The following FAR2 variants were observed in gnomAD, a reference collection of about 807,000 sequenced individuals.
FAR2 encodes the protein fatty acyl-CoA reductase 2.
A neutral mutation model predicts 56.0 loss-of-function variants in FAR2; 19 were observed. That is an observed-to-expected ratio of 0.34 (90% CI 0.24 to 0.50). The LOEUF is 0.50. FAR2 is among the 20% of genes least tolerant of loss of function. FAR2 has a pLI of 0.98. For synonymous variants in FAR2, 219 were observed against 218.8 expected (o/e 1.00, Z -0.01); for missense variants, 508 against 642.2 (o/e 0.79, Z 2.26).
At chr12:29,280,511 G>A (rs1948770083) in intron 2 of FAR2, 1 of 152,202 alleles carries the variant, frequency 6.6e-6, no homozygotes, top group Non-Finnish European at 1.5e-5. Flanking sequence ...GGTTTCACCA[G>A]TCTGTGCCAT....
chr12:29,201,273 G>A (rs1453337783), intron 1 of FAR2, among the ~76,000 whole-genome samples: 2 of 151,908 alleles, frequency 1.3e-5, no homozygotes, highest in Non-Finnish European at 2.9e-5. Flanking sequence ...TTTTCTTTAG[G>A]TCTTCACAAG....
At chr12:29,264,873 T>C (rs1380496600) in intron 1 of FAR2, among the ~76,000 whole-genome samples, 1 of 148,846 alleles carries the variant, frequency 6.7e-6, no homozygotes, top group Non-Finnish European at 1.5e-5. Flanking sequence ...AGTATTTCTA[T>C]ATGCCCACAG....
intron 1 of FAR2, among the ~76,000 whole-genome samples, chr12:29,160,960 A>G (rs1467198021): frequency 1.3e-5 from 2 of 152,178 alleles, no homozygotes; most frequent in Non-Finnish European, 2.9e-5. Flanking sequence ...CACCCAGGAA[A>G]TTATTACTTG....
rs569157274 is a variant in FAR2 at position 29,283,520 on chromosome 12, C to T, written c.190-9780C>T. On this transcript the variant is annotated intron_variant, in intron 2 of 11. Transcript: ENST00000536681. ...AAATCAGAATAAGGCAGAAATCAAT[C>T]ATGAATTTACAAAATTATGTCATCA... Among the ~76,000 whole-genome samples the T allele has an allele frequency of 3.3e-4, 50 of 152,262 alleles. 1 individual carries two copies. The highest frequency in any genetic ancestry group is 1.2e-3 in the African/African-American group (49 of 41,554).
intron 3 of FAR2, 37 bp from the exon 4 acceptor site, chr12:29,296,984 T>G (rs768926853): frequency 4.5e-6 from 7 of 1,545,076 alleles, no homozygotes; most frequent in Non-Finnish European, 6.1e-6. Flanking sequence ...GATACTGACT[T>G]ACTTCATTGT....
At chr12:29,221,256 C>G (rs1219522288) in intron 1 of FAR2, among the ~76,000 whole-genome samples, 2 of 152,114 alleles carry the variant, frequency 1.3e-5, no homozygotes, top group Non-Finnish European at 2.9e-5. Flanking sequence ...ATTGGGAGAA[C>G]TGCCTTTCCC....
At chr12:29,192,176 A>C (rs7312297) in intron 1 of FAR2, among the ~76,000 whole-genome samples, 152,354 of 152,356 alleles carry the variant, frequency 1, 76,176 homozygotes, top group Non-Finnish European at 1. Flanking sequence ...ACATGAAATT[A>C]AAAAATAAGT....
chr12:29,232,776 T>C (rs111433432), intron 1 of FAR2, among the ~76,000 whole-genome samples: 3 of 151,448 alleles, frequency 2.0e-5, no homozygotes, highest in African/African-American at 7.3e-5. Context: ...GCCACACTGA[T>C]TCAGGTGACC....
chr12:29,197,461 C>A (rs937375262), intron 1 of FAR2, among the ~76,000 whole-genome samples: 1 of 152,144 alleles, frequency 6.6e-6, no homozygotes, highest in African/African-American at 2.4e-5. Context: ...CAGTACAAAG[C>A]ACTATCTCAT....
At chr12:29,161,266 C>G (rs961442954) in intron 1 of FAR2, among the ~76,000 whole-genome samples, 2 of 152,200 alleles carry the variant, frequency 1.3e-5, no homozygotes, top group African/African-American at 4.8e-5. Flanking sequence ...ATAAGCTCCC[C>G]TCATACTCCT....
At chr12:29,260,408 G>T (rs549757248) in intron 1 of FAR2, among the ~76,000 whole-genome samples, 7 of 152,276 alleles carry the variant, frequency 4.6e-5, no homozygotes, top group Non-Finnish European at 8.8e-5. Context: ...CATGACAATT[G>T]GGTAATGAGG....
At chr12:29,262,730 A>G (rs193010782) in intron 1 of FAR2, among the ~76,000 whole-genome samples, 2 of 152,216 alleles carry the variant, frequency 1.3e-5, no homozygotes, top group African/African-American at 4.8e-5. Flanking sequence ...GGAAGGAAGG[A>G]AGGAAGAGAA....
At chr12:29,155,909 G>A (rs1162889704) in intron 1 of FAR2, among the ~76,000 whole-genome samples, 1 of 152,126 alleles carries the variant, frequency 6.6e-6, no homozygotes. Flanking sequence ...TTTATGAGGG[G>A]ATAGAAATAA....
At chr12:29,239,842 T>C (rs1378852733) in intron 1 of FAR2, among the ~76,000 whole-genome samples, 1 of 152,220 alleles carries the variant, frequency 6.6e-6, no homozygotes, top group Non-Finnish European at 1.5e-5. Context: ...ATCTTATTGT[T>C]GTATTTTATT....
chr12:29,215,192 C>T (rs1420858580), intron 1 of FAR2, among the ~76,000 whole-genome samples: 1 of 152,150 alleles, frequency 6.6e-6, no homozygotes, highest in African/African-American at 2.4e-5. Context: ...GAAGAGTTTA[C>T]ATTTCATTTG....
In FAR2 at chr12:29,270,469, T is replaced by C. The variant is rs930249697; in HGVS notation, c.20T>C (p.Phe7Ser). The change falls in exon 2 of 12, where the codon TTC (phenylalanine) becomes TCC (serine). Residue 7 changes from phenylalanine to serine, a missense_variant. Phe to Ser is a radical substitution (Grantham distance 155, BLOSUM62 -2). Transcript: ENST00000536681. ...GGAATCATGTCCACAATTGCAGCTT[T>C]CTATGGCGGCAAGTCCATTCTCATC... is the stretch of plus-strand genomic sequence containing the variant. Reference protein sequence around the residue: MSTIAAFYGGKSILITG... With the variant: MSTIAASYGGKSILITG... 6.3e-7 allele frequency: 1 copy of C among 1,591,022 alleles called. No homozygotes were observed. Among genetic ancestry groups the C allele is most frequent in the Middle Eastern group, 1.7e-4 (1 of 5,986 alleles).
At chr12:29,168,880 C>T (rs1949857782) in intron 1 of FAR2, among the ~76,000 whole-genome samples, 1 of 152,134 alleles carries the variant, frequency 6.6e-6, no homozygotes, top group Non-Finnish European at 1.5e-5. Flanking sequence ...CCTTATTTGT[C>T]CCCTCCCATG....
At chr12:29,241,891 G>A (rs1375954109) in intron 1 of FAR2, among the ~76,000 whole-genome samples, 2 of 152,194 alleles carry the variant, frequency 1.3e-5, no homozygotes, top group Non-Finnish European at 2.9e-5. Context: ...CTGGGTGCGT[G>A]CATCGAAGCT....
intron 2 of FAR2, among the ~76,000 whole-genome samples, chr12:29,274,348 C>T: frequency 6.6e-6 from 1 of 152,116 alleles, no homozygotes; most frequent in South Asian, 2.1e-4. Context: ...CCAGCTTCAT[C>T]CGTGTCCCTA....
Sources: allele counts gnomAD v4.1 joint callset (sites outside exome capture counted in the v4.1 genomes callset), GRCh38; gene constraint gnomAD v4.1.1; transcripts MANE v1.5; gene names NCBI Gene and HGNC (gene_info 2026-07-23, HGNC 2026-07-21).